ST3GAL3: variants seen among roughly 807,000 people sequenced by gnomAD.
ST3GAL3 encodes the protein ST3 beta-galactoside alpha-2,3-sialyltransferase 3.
A neutral mutation model predicts 50.1 loss-of-function variants in ST3GAL3; 21 were observed. That is an observed-to-expected ratio of 0.42 (90% confidence interval 0.30 to 0.60). The LOEUF (loss-of-function observed/expected upper bound fraction) is 0.60, where lower values mean the gene tolerates loss of function less well. Among genes scored for constraint, ST3GAL3 ranks in the 20% least tolerant of loss-of-function variants. ST3GAL3 has a pLI of 0.19. For synonymous variants in ST3GAL3, 183 were observed against 190.0 expected (o/e 0.96, Z 0.30); for missense variants, 353 against 489.4 (o/e 0.72, Z 2.63).
chr1:43,777,966 A>T (rs1017770455), intron 2 of ST3GAL3, among the ~76,000 whole-genome samples: 1 of 152,242 alleles, frequency 6.6e-6, no homozygotes, highest in Non-Finnish European at 1.5e-5. Context: ...TATTATAGAG[A>T]TACATGCACT....
chr1:43,774,298 C>T (rs1469874543), intron 2 of ST3GAL3, among the ~76,000 whole-genome samples: 3 of 152,084 alleles, frequency 2.0e-5, no homozygotes, highest in Admixed American at 2.0e-4. Context: ...TCTTGTTTCA[C>T]TGAGCACATG....
At chr1:43,841,424 C>T (rs2154199979) in intron 5 of ST3GAL3, 1 of 152,348 alleles carries the variant, frequency 6.6e-6, no homozygotes, top group African/African-American at 2.4e-5. Context: ...ATCCAAGAAT[C>T]CTCCATTCTT....
chr1:43,811,555 A>G (rs2060563082), intron 3 of ST3GAL3, among the ~76,000 whole-genome samples: 1 of 151,970 alleles, frequency 6.6e-6, no homozygotes, highest in Non-Finnish European at 1.5e-5. Context: ...GGGCCTGTCA[A>G]CCCTCCAGGC....
chr1:43,921,953 G>C, intron 11 of ST3GAL3: 1 of 394,070 alleles, frequency 2.5e-6, no homozygotes, highest in Non-Finnish European at 4.5e-6. Context: ...AACACTTTTC[G>C]TGTTGGCCAC....
chr1:43,909,988 C>G (rs1398446849), intron 9 of ST3GAL3, among the ~76,000 whole-genome samples: 1 of 152,124 alleles, frequency 6.6e-6, no homozygotes, highest in Non-Finnish European at 1.5e-5. Flanking sequence ...ATGATGCTGC[C>G]AAGAGTGCAG....
intron 9 of ST3GAL3, chr1:43,919,515 A>G (rs1390533000): frequency 6.6e-6 from 1 of 152,316 alleles, no homozygotes; most frequent in Non-Finnish European, 1.5e-5. Flanking sequence ...AAGAGGATGT[A>G]TGGGTTGATC....
chr1:43,838,156 G>A lies in ST3GAL3; in HGVS notation c.210-63G>A, dbSNP rs866013274. ...GGGTTAAACACCTACAGCTCCTTATGAATTAATAACCCACTCAGTGCTCAG... is the reference window on the plus strand; with the variant it reads ...GGGTTAAACACCTACAGCTCCTTATAAATTAATAACCCACTCAGTGCTCAG... On this transcript the variant is annotated intron_variant, in intron 4 of 11. Transcript: ENST00000347631. The A allele has an allele frequency of 1.4e-4, 110 of 790,908 alleles. 1 individual carries two copies. In the Middle Eastern group the frequency reaches 0.011, roughly 80 times the overall value. The allele number at this position is 790,908 out of a possible 1,614,324, so 49.0% of individuals were successfully genotyped here.
chr1:43,755,846 C>T (rs1279586160), intron 2 of ST3GAL3, among the ~76,000 whole-genome samples: 1 of 151,968 alleles, frequency 6.6e-6, no homozygotes, highest in Admixed American at 6.6e-5. Context: ...CACATTGGCT[C>T]CTAGTGCTTT....
chr1:43,899,674 T>C lies in ST3GAL3; in HGVS notation c.691T>C (p.Phe231Leu). The change falls in exon 9 of 12, where the codon TTC (phenylalanine) becomes CTC (leucine). Residue 231 changes from phenylalanine to leucine, a missense_variant. Phe to Leu is a conservative substitution (Grantham distance 22, BLOSUM62 0). Transcript: ENST00000347631. This position sits in a 1 kb window ranked among gnomAD's most constrained non-coding sequence, Gnocchi z 5.4. ...CGATTCTCTCTTTGTCCTCGCCGGC[T>C]TCAAGTGGCAGGACTTTAAGTGGTT... ...ERDSLFVLAGFKWQDFKWLKY... is the reference protein window; with the variant it reads ...ERDSLFVLAGLKWQDFKWLKY... The C allele has an allele frequency of 6.2e-7, 1 of 1,614,172 alleles. No homozygotes were observed. Among genetic ancestry groups the C allele is most frequent in the Non-Finnish European group, 8.5e-7 (1 of 1,180,046 alleles).
At chr1:43,824,742 C>T in intron 4 of ST3GAL3, 1 of 1,613,978 alleles carries the variant, frequency 6.2e-7, no homozygotes. Flanking sequence ...TCACCGAGGA[C>T]TCTCTGCACG....
At chr1:43,823,085 T>C (rs533661926) in intron 4 of ST3GAL3, among the ~76,000 whole-genome samples, 3 of 152,292 alleles carry the variant, frequency 2.0e-5, no homozygotes, top group African/African-American at 7.2e-5. Context: ...CTCTGTATCA[T>C]CACTCTGTCC....
intron 5 of ST3GAL3, among the ~76,000 whole-genome samples, chr1:43,856,815 T>C (rs3791085): frequency 0.17 from 26,210 of 152,214 alleles, 2,601 homozygotes; most frequent in African/African-American, 0.25. Context: ...CTGAGCTTAC[T>C]GCCTCCTCCA....
chr1:43,743,547 A>G (rs1333203287), intron 2 of ST3GAL3: 1 of 415,398 alleles, frequency 2.4e-6, no homozygotes, highest in African/African-American at 2.1e-5. Flanking sequence ...GGGATACACC[A>G]TTTAGTAAAC....
chr1:43,824,842 G>A, intron 4 of ST3GAL3: 1 of 1,130,536 alleles, frequency 8.8e-7, no homozygotes, highest in East Asian at 2.4e-5. Flanking sequence ...AGATTTTGAA[G>A]TCACTGAGCG....
intron 5 of ST3GAL3, among the ~76,000 whole-genome samples, chr1:43,889,348 T>C (rs2076403141): frequency 6.6e-6 from 1 of 152,220 alleles, no homozygotes; most frequent in South Asian, 2.1e-4. Flanking sequence ...TCTTTGAATG[T>C]ATTTTGTTTG....
At chr1:43,913,272 A>C (rs2081243921) in intron 9 of ST3GAL3, 1 of 152,232 alleles carries the variant, frequency 6.6e-6, no homozygotes, top group Admixed American at 6.5e-5. Flanking sequence ...CATAATAAGT[A>C]AGATTTATTG....
intron 1 of ST3GAL3, among the ~76,000 whole-genome samples, chr1:43,725,256 A>G (rs995246589): frequency 6.6e-6 from 1 of 151,702 alleles, no homozygotes; most frequent in Non-Finnish European, 1.5e-5. Context: ...CTCAGGCTGC[A>G]GTGCAGTGGT....
chr1:43,922,022 C>T, intron 11 of ST3GAL3: 1 of 321,554 alleles, frequency 3.1e-6, no homozygotes, highest in Non-Finnish European at 5.6e-6. Context: ...TTTCACTCAC[C>T]ATTCTCTCAC....
At chr1:43,802,482 G>A (rs1281714564) in intron 3 of ST3GAL3, among the ~76,000 whole-genome samples, 1 of 152,160 alleles carries the variant, frequency 6.6e-6, no homozygotes, top group Non-Finnish European at 1.5e-5. Flanking sequence ...TGAATTCTTA[G>A]AGCAGTCACC....
Sources: allele counts gnomAD v4.1 joint callset (sites outside exome capture counted in the v4.1 genomes callset), GRCh38; gene constraint gnomAD v4.1.1; non-coding constraint Gnocchi (gnomAD v3.1); transcripts MANE v1.5; gene names NCBI Gene and HGNC (gene_info 2026-07-23, HGNC 2026-07-21).